Variants in EZH2 observed in about 807,000 individuals in gnomAD.
EZH2 encodes histone-lysine N-methyltransferase EZH2.
In EZH2, 18 loss-of-function variants were observed where a neutral mutation model predicts 98.4. That is an observed-to-expected ratio of 0.18 (90% CI 0.13 to 0.27). The LOEUF is 0.27. Among genes scored for constraint, EZH2 ranks in the 10% least tolerant of loss-of-function variants. The pLI is 1.00. For missense variants in EZH2, 470 were observed against 935.1 expected (o/e 0.50, Z 6.49); for synonymous variants, 338 against 312.3 (o/e 1.08, Z -0.87).
At chr7:148,860,758 C>T (rs1342287634) in intron 1 of EZH2, among the ~76,000 whole-genome samples, 1 of 152,126 alleles carries the variant, frequency 6.6e-6, no homozygotes, top group African/African-American at 2.4e-5. Context: ...TACAGCCTCG[C>T]CCTCCTGGGC....
intron 1 of EZH2, among the ~76,000 whole-genome samples, chr7:148,869,412 C>G (rs1419988189): frequency 1.5e-5 from 2 of 134,896 alleles, no homozygotes; most frequent in Non-Finnish European, 3.1e-5. Context: ...GGGGTGCAAA[C>G]ACGGCTCACT....
At chr7:148,862,829 C>T (rs1817883812) in intron 1 of EZH2, among the ~76,000 whole-genome samples, 2 of 152,108 alleles carry the variant, frequency 1.3e-5, no homozygotes, top group African/African-American at 4.8e-5. Context: ...TTTTTAACTG[C>T]AAGTGCTAAG....
At position 148,828,995 on chromosome 7, in the gene EZH2, T is replaced by G; in HGVS notation, c.485-115A>C. On this transcript the variant is annotated intron_variant, in intron 5 of 19. Transcript: ENST00000320356. ...AGCCTAGTAACTGGCACTAAAACAT[T>G]ATTATTGAAATGAGGGGAGGAAAAG... The G allele has an allele frequency of 9.6e-6, 10 of 1,039,194 alleles. No homozygotes were observed. The South Asian group carries it at 1.5e-4, about 16-fold the overall frequency. 64.4% of individuals were successfully genotyped at this position (1,039,194 alleles called of 1,614,324 possible).
At chr7:148,815,485 G>A in intron 13 of EZH2, 21 bp downstream of exon 13, 4 of 1,608,470 alleles carry the variant, frequency 2.5e-6, no homozygotes, top group Non-Finnish European at 8.5e-7. Flanking sequence ...CTAATAATGA[G>A]AGGAATGGAA....
rs774193376 is a variant in EZH2, at chr7:148,866,365, G to A, written c.-8+17799C>T. 2.6e-4 allele frequency among the ~76,000 whole-genome samples: 39 copies of A among 151,794 alleles called. 1 individual carries two copies. The highest frequency in any genetic ancestry group is 3.4e-3 in the Middle Eastern group (1 of 292). On this transcript the variant is annotated intron_variant, in intron 1 of 19. Transcript: ENST00000320356. Reference sequence around the variant, plus strand: ...GCCTTGTGAATGCCCTTATACAAGAGTCTGACTGAGGGAGTTATTCCCAGC... The same window carrying A: ...GCCTTGTGAATGCCCTTATACAAGAATCTGACTGAGGGAGTTATTCCCAGC...
intron 18 of EZH2, 48 bp from the exon 19 acceptor site, chr7:148,809,203 G>T: frequency 1.3e-6 from 2 of 1,590,788 alleles, no homozygotes; most frequent in Non-Finnish European, 1.7e-6. Flanking sequence ...CGGGCCACGG[G>T]GGGTTAACTG....
In EZH2 at chr7:148,847,164, C is replaced by A; in HGVS notation, c.117+18G>T. On this transcript the variant is annotated intron_variant, in intron 2 of 19. Coordinates refer to ENST00000320356, the MANE Select transcript of EZH2 (RefSeq NM_004456.5). Reference sequence around the variant, plus strand: ...ATCCTTAATTGTATATTCATTTTCACAAAAGATAAAATTATACCTTTACTT... The same window carrying A: ...ATCCTTAATTGTATATTCATTTTCAAAAAAGATAAAATTATACCTTTACTT... The A allele has an allele frequency of 6.3e-7, 1 of 1,591,504 alleles. No homozygotes were observed. The highest frequency in any genetic ancestry group is 8.5e-7 in the Non-Finnish European group (1 of 1,173,022).
chr7:148,826,741 A>C (rs1202200014), intron 7 of EZH2, 109 bp from the exon 8 acceptor site: 1 of 837,992 alleles, frequency 1.2e-6, no homozygotes, highest in Non-Finnish European at 1.7e-6. Context: ...TCTTGCCTAA[A>C]ACATAAAGGA....
rs1801754559 is a variant in EZH2, at chr7:148,807,385, C to G, written c.*261G>C. 2.1e-6 allele frequency: 1 copy of G among 467,024 alleles called. No homozygotes were observed. Among genetic ancestry groups the G allele is most frequent in the Non-Finnish European group, 3.8e-6 (1 of 260,972 alleles). The allele number at this position is 467,024 out of a possible 1,614,324, so 28.9% of individuals were successfully genotyped here. A position where few individuals can be genotyped will look rare whatever the true frequency, so the allele number is the denominator to read the frequency against. The stretch of plus-strand genomic sequence containing the variant: ...GTTATGAGAGATGATTCAACAAGGA[C>G]AAGTTCAAGTATTCTTTATTCAAAG... On this transcript the variant is annotated 3_prime_UTR_variant, in exon 20 of 20. Coordinates refer to ENST00000320356, the MANE Select transcript of EZH2 (RefSeq NM_004456.5).
chr7:148,882,955 A>G (rs1261718951), intron 1 of EZH2, among the ~76,000 whole-genome samples: 1 of 152,224 alleles, frequency 6.6e-6, no homozygotes, highest in Admixed American at 6.5e-5. Context: ...AGAAAACGAG[A>G]CCAATTAATA....
At chr7:148,828,706 A>C (rs551732382) in intron 6 of EZH2, 34 bp downstream of exon 6, 1 of 1,593,438 alleles carries the variant, frequency 6.3e-7, no homozygotes, top group South Asian at 1.1e-5. Flanking sequence ...AGAAAGCTGT[A>C]ATGGCTACAC....
chr7:148,819,817 C>T, intron 8 of EZH2, 130 bp from the exon 9 acceptor site: 2 of 731,786 alleles, frequency 2.7e-6, no homozygotes, highest in Non-Finnish European at 4.5e-6. Flanking sequence ...TTACTTCATA[C>T]AACTTTCCTT....
chr7:148,831,900 C>G (rs1471618728), intron 4 of EZH2, among the ~76,000 whole-genome samples: 2 of 152,196 alleles, frequency 1.3e-5, no homozygotes, highest in Non-Finnish European at 2.9e-5. Flanking sequence ...GCTGCTGCGT[C>G]AGAGTTAGCA....
At chr7:148,815,611 G>A in intron 12 of EZH2, 65 bp from the exon 13 acceptor site, 1 of 1,379,142 alleles carries the variant, frequency 7.3e-7, no homozygotes, top group Non-Finnish European at 1.0e-6. Context: ...ACAGAGAGCT[G>A]CTTAACTGGA....
At chr7:148,863,622 A>G (rs947412958) in intron 1 of EZH2, among the ~76,000 whole-genome samples, 2 of 152,118 alleles carry the variant, frequency 1.3e-5, no homozygotes, top group Non-Finnish European at 2.9e-5. Context: ...TAAAATAAAA[A>G]TCTTGACCCA....
At position 148,807,635 on chromosome 7, in the gene EZH2, G is replaced by A; in HGVS notation, c.*11C>T. 6.3e-7 allele frequency: 1 copy of A among 1,590,762 alleles called. No homozygotes were observed. Among genetic ancestry groups the A allele is most frequent in the Non-Finnish European group, 8.6e-7 (1 of 1,167,144 alleles). ...AGCTGTTTCAGAGGAGGGGGGAGGAGGTAGCAGATGTCAAGGGATTTCCAT... is the reference window on the plus strand; with the variant it reads ...AGCTGTTTCAGAGGAGGGGGGAGGAAGTAGCAGATGTCAAGGGATTTCCAT... On this transcript the variant is annotated 3_prime_UTR_variant, in exon 20 of 20. Coordinates refer to ENST00000320356, the MANE Select transcript of EZH2 (RefSeq NM_004456.5).
chr7:148,880,760 T>C (rs540559244), intron 1 of EZH2, among the ~76,000 whole-genome samples: 1 of 152,374 alleles, frequency 6.6e-6, no homozygotes, highest in African/African-American at 2.4e-5. Context: ...ATTTTTCATA[T>C]TTCCTTAATT....
chr7:148,817,791 A>C, intron 10 of EZH2, 86 bp downstream of exon 10: 1 of 1,560,716 alleles, frequency 6.4e-7, no homozygotes. Flanking sequence ...CCAACTAAGA[A>C]AATTATTCAA....
At chr7:148,871,577 C>CTTTTTTTTTTTTTTTTT (rs376098406) in intron 1 of EZH2, among the ~76,000 whole-genome samples, 55 of 135,234 alleles carry the variant, frequency 4.1e-4, no homozygotes, top group African/African-American at 1.5e-3. Context: ...AGTGTATTTT[C>CTTTTTTTTTTTTTTTTT]TTTTTTTTTT....
Sources: allele counts gnomAD v4.1 joint callset (sites outside exome capture counted in the v4.1 genomes callset), GRCh38; gene constraint gnomAD v4.1.1; transcripts MANE v1.5; gene names NCBI Gene and HGNC (gene_info 2026-07-23, HGNC 2026-07-21).